ZMAT4: variants seen among roughly 807,000 people sequenced by gnomAD.
ZMAT4 encodes zinc finger matrin-type 4.
In ZMAT4, 17 loss-of-function variants were observed where a neutral mutation model predicts 28.7. That is an observed-to-expected ratio of 0.59 (90% confidence interval 0.41 to 0.89). The LOEUF is 0.89. ZMAT4 is among the 40% of genes least tolerant of loss of function. The pLI is 0.00. For synonymous variants in ZMAT4, 117 were observed against 109.2 expected, an observed-to-expected ratio of 1.07 and a Z score of -0.44; for missense variants, 240 against 283.8, an observed-to-expected ratio of 0.85 and a Z score of 1.11.
chr8:40,723,489 G>C (rs962898877), intron 3 of ZMAT4, among the ~76,000 whole-genome samples: 1 of 130,150 alleles, frequency 7.7e-6, no homozygotes, highest in East Asian at 2.5e-4. Context: ...GTTGCAGTGA[G>C]CTGAGATTGC....
intron 3 of ZMAT4, among the ~76,000 whole-genome samples, chr8:40,744,345 C>T (rs1184771293): frequency 1.3e-5 from 2 of 152,120 alleles, no homozygotes; most frequent in Admixed American, 6.5e-5. Context: ...GAGATGGAGC[C>T]GAGGCCAGGT....
intron 1 of ZMAT4, among the ~76,000 whole-genome samples, chr8:40,891,464 C>T (rs988354696): frequency 2.6e-5 from 4 of 151,958 alleles, no homozygotes; most frequent in Non-Finnish European, 4.4e-5. Flanking sequence ...GCTGACGCAC[C>T]GCTCTTCCCG....
intron 1 of ZMAT4, among the ~76,000 whole-genome samples, chr8:40,871,523 C>G (rs1418981542): frequency 6.6e-6 from 1 of 152,182 alleles, no homozygotes. Flanking sequence ...AAGGAATTCT[C>G]AAAATCTCCA....
rs186152632 is a variant in ZMAT4 at position 40,723,622 on chromosome 8, C to T, written c.193-26221G>A. Among the ~76,000 whole-genome samples, 4 of 145,726 alleles carry T rather than the reference C, an allele frequency of 2.7e-5. No homozygotes were observed. The South Asian group carries it at 6.7e-4, about 24-fold the overall frequency. On this transcript the variant is annotated intron_variant, in intron 3 of 6. Transcript: ENST00000297737. ...AAAAGTTTAATTCTCTAAATTAATT[C>T]TAAATTAATGAGGATTGGTGGAATC...
intron 5 of ZMAT4, among the ~76,000 whole-genome samples, chr8:40,612,780 C>T: frequency 7.8e-6 from 1 of 128,988 alleles, no homozygotes; most frequent in South Asian, 2.5e-4. Flanking sequence ...CAATGGGTTT[C>T]TACCCAGTCA....
chr8:40,835,558 T>C (rs747049621), intron 1 of ZMAT4, among the ~76,000 whole-genome samples: 14 of 152,192 alleles, frequency 9.2e-5, no homozygotes, highest in Non-Finnish European at 1.8e-4. Flanking sequence ...CCTTCAAAAA[T>C]ACAGTTTCTA....
intron 2 of ZMAT4, among the ~76,000 whole-genome samples, chr8:40,818,800 C>T (rs959460629): frequency 3.2e-4 from 49 of 152,222 alleles, no homozygotes; most frequent in African/African-American, 1.1e-3. Context: ...AACTCTCACG[C>T]ATCAGAAGGA....
chr8:40,686,092 C>G (rs1040899715), intron 4 of ZMAT4, among the ~76,000 whole-genome samples: 7 of 152,120 alleles, frequency 4.6e-5, no homozygotes, highest in African/African-American at 1.7e-4. Context: ...GCACTGTGCC[C>G]TGCCTTAGGT....
At chr8:40,608,557 T>G (rs553064271) in intron 5 of ZMAT4, among the ~76,000 whole-genome samples, 1 of 152,244 alleles carries the variant, frequency 6.6e-6, no homozygotes, top group Non-Finnish European at 1.5e-5. Context: ...CTGCCACGGT[T>G]TTTGTGCTGG....
intron 2 of ZMAT4, among the ~76,000 whole-genome samples, chr8:40,821,508 AT>A (rs1368021031): frequency 6.6e-6 from 1 of 152,176 alleles, no homozygotes; most frequent in Non-Finnish European, 1.5e-5. Context: ...GCAAAAATAG[AT>A]TTTTAAAGCA....
intron 5 of ZMAT4, among the ~76,000 whole-genome samples, chr8:40,651,374 TG>T: frequency 6.6e-6 from 1 of 152,120 alleles, no homozygotes; most frequent in African/African-American, 2.4e-5. Context: ...TTACAAGGGA[TG>T]TGAAGGACCT....
chr8:40,690,199 T>A (rs987605979), intron 4 of ZMAT4, among the ~76,000 whole-genome samples: 1 of 152,216 alleles, frequency 6.6e-6, no homozygotes, highest in Non-Finnish European at 1.5e-5. Context: ...CTAACAGGCA[T>A]GGTTTCTCCC....
At chr8:40,868,234 A>G (rs1169930160) in intron 1 of ZMAT4, among the ~76,000 whole-genome samples, 1 of 152,204 alleles carries the variant, frequency 6.6e-6, no homozygotes, top group Non-Finnish European at 1.5e-5. Flanking sequence ...TCAAAATAAT[A>G]AAATTAGACA....
chr8:40,685,552 C>T (rs1296354213), intron 4 of ZMAT4, among the ~76,000 whole-genome samples: 1 of 152,132 alleles, frequency 6.6e-6, no homozygotes, highest in Admixed American at 6.5e-5. Context: ...TATTGCCATG[C>T]AGACACAGAT....
intron 6 of ZMAT4, among the ~76,000 whole-genome samples, chr8:40,541,343 T>C (rs1436497535): frequency 6.6e-6 from 1 of 152,002 alleles, no homozygotes; most frequent in East Asian, 1.9e-4. Flanking sequence ...TGGGACGTGG[T>C]GGGATGTGGC....
At chr8:40,884,295 GC>G (rs1253422845) in intron 1 of ZMAT4, among the ~76,000 whole-genome samples, 1 of 145,790 alleles carries the variant, frequency 6.9e-6, no homozygotes, top group Non-Finnish European at 1.5e-5. Context: ...TCTCACCTCC[GC>G]CCCCACCCAT....
chr8:40,601,405 AAAGG>A (rs1165716784), intron 5 of ZMAT4, among the ~76,000 whole-genome samples: 39 of 72,282 alleles, frequency 5.4e-4, no homozygotes, highest in African/African-American at 2.4e-3. Context: ...AGGAGGAAAG[AAAGG>A]AAGGAAGGAA....
chr8:40,548,263 T>G (rs575684818), intron 6 of ZMAT4, among the ~76,000 whole-genome samples: 10 of 152,094 alleles, frequency 6.6e-5, no homozygotes, highest in Admixed American at 5.9e-4. Context: ...GGTTTGATCA[T>G]TAAAGATTTA....
intron 1 of ZMAT4, among the ~76,000 whole-genome samples, chr8:40,861,146 CA>C (rs1393036996): frequency 1.3e-5 from 2 of 152,176 alleles, no homozygotes; most frequent in Admixed American, 6.5e-5. Flanking sequence ...CTGCTAGGGC[CA>C]GGGGGGACCC....
Sources: allele counts gnomAD v4.1 joint callset (sites outside exome capture counted in the v4.1 genomes callset), GRCh38; gene constraint gnomAD v4.1.1; transcripts MANE v1.5; gene names NCBI Gene and HGNC (gene_info 2026-07-23, HGNC 2026-07-21).